Variants in NCOA2 observed in about 807,000 individuals in gnomAD.
NCOA2 encodes the protein nuclear receptor coactivator 2, also known as class E basic helix-loop-helix protein 75.
Under a neutral mutation model 145.1 loss-of-function variants are expected in NCOA2, and 21 were observed. The ratio of observed to expected loss-of-function variants is 0.14; its 90% CI spans 0.10 to 0.21. NCOA2 has a LOEUF of 0.21. Among genes scored for constraint, NCOA2 ranks in the 10% least tolerant of loss-of-function variants. NCOA2 has a pLI of 1.00. For missense variants in NCOA2, 1,472 were observed against 1,837.6 expected (o/e 0.80, Z 3.64); for synonymous variants, 619 against 637.5 (o/e 0.97, Z 0.44).
intron 22 of NCOA2, among the ~76,000 whole-genome samples, chr8:70,116,183 T>C (rs1442386347): frequency 3.9e-5 from 3 of 76,348 alleles, no homozygotes; most frequent in Non-Finnish European, 7.0e-5. Flanking sequence ...CGAGACTCTG[T>C]CTTAAAAAAA....
chr8:70,179,587 G>C (rs763549634), intron 4 of NCOA2, among the ~76,000 whole-genome samples: 6 of 152,164 alleles, frequency 3.9e-5, no homozygotes, highest in Non-Finnish European at 8.8e-5. Flanking sequence ...TTATACTTCT[G>C]TAAGTACAGC....
intron 2 of NCOA2, among the ~76,000 whole-genome samples, chr8:70,286,233 C>G (rs538286424): frequency 1.4e-3 from 213 of 152,042 alleles, no homozygotes; most frequent in Admixed American, 3.3e-3. Flanking sequence ...GGCAACATAA[C>G]GAGACTTGTC....
intron 2 of NCOA2, among the ~76,000 whole-genome samples, chr8:70,288,055 T>C (rs1352585739): frequency 6.6e-6 from 1 of 152,180 alleles, no homozygotes. Flanking sequence ...CTGGGCAAGT[T>C]ATTTAACTTC....
intron 4 of NCOA2, among the ~76,000 whole-genome samples, chr8:70,201,425 C>A (rs1817877714): frequency 6.6e-6 from 1 of 152,118 alleles, no homozygotes; most frequent in South Asian, 2.1e-4. Context: ...CATGACAACA[C>A]CTAAGCTGTA....
At chr8:70,120,471 A>G (rs1451054200) in intron 22 of NCOA2, among the ~76,000 whole-genome samples, 3 of 151,942 alleles carry the variant, frequency 2.0e-5, no homozygotes, top group Admixed American at 2.0e-4. Flanking sequence ...CTATAATCCC[A>G]GCACTTTGGG....
intron 2 of NCOA2, among the ~76,000 whole-genome samples, chr8:70,269,306 G>T (rs1336209590): frequency 6.6e-6 from 1 of 152,044 alleles, no homozygotes; most frequent in Non-Finnish European, 1.5e-5. Context: ...AAGCATACTT[G>T]CCATAAAAGA....
the NCOA2 span, among the ~76,000 whole-genome samples, chr8:70,428,365 C>A: frequency 2.0e-5 from 3 of 152,006 alleles, no homozygotes; most frequent in African/African-American, 4.8e-5. Flanking sequence ...GAGGCTGAGG[C>A]GGGAGGATCC....
chr8:70,147,112 G>C (rs1033160533), intron 12 of NCOA2, among the ~76,000 whole-genome samples: 1 of 96,368 alleles, frequency 1.0e-5, no homozygotes, highest in East Asian at 3.0e-4. Context: ...CAAATCTTTC[G>C]CGCGCGCGCG....
chr8:70,269,877 A>G lies in NCOA2; in HGVS notation c.-20+26867T>C, dbSNP rs116257485. The stretch of plus-strand genomic sequence containing the variant: ...ATCAGAGATTTTAAAAATACATATA[A>G]CACACATTTACTGAAACCTAATTAT... On this transcript the variant is annotated intron_variant, in intron 2 of 22. Coordinates refer to ENST00000452400, the MANE Select transcript of NCOA2 (RefSeq NM_006540.4). 5.9e-3 allele frequency among the ~76,000 whole-genome samples: 897 copies of G among 152,348 alleles called. 5 individuals carry two copies. The highest frequency in any genetic ancestry group is 0.02 in the African/African-American group (835 of 41,576).
Position 70,160,696 on chromosome 8 carries a change from A to AGAGAGAGAGAGAGG in NCOA2, c.977-1045_977-1044insCCTCTCTCTCTCTC, listed in dbSNP as rs1331894915. On this transcript the variant is annotated intron_variant, in intron 9 of 22. Coordinates refer to ENST00000452400, the MANE Select transcript of NCOA2 (RefSeq NM_006540.4). Reference sequence around the variant, plus strand: ...GAGAGAGAGAGGGAGAGAGAGAGAGAGAGAGACTGACATATAATGTGGATT... The same window carrying AGAGAGAGAGAGAGG: ...GAGAGAGAGAGGGAGAGAGAGAGAGAGAGAGAGAGAGAGGGAGAGACTGACATATAATGTGGATT... Among the ~76,000 whole-genome samples the AGAGAGAGAGAGAGG allele has an allele frequency of 1.6e-3, 225 of 138,390 alleles. 4 individuals carry two copies. Among genetic ancestry groups the AGAGAGAGAGAGAGG allele is most frequent in the African/African-American group, 5.6e-3 (213 of 38,332 alleles). 90.8% of individuals were successfully genotyped at this position (138,390 alleles called of 152,430 possible).
chr8:70,176,838 T>C (rs1207028801), intron 4 of NCOA2, among the ~76,000 whole-genome samples: 1 of 152,178 alleles, frequency 6.6e-6, no homozygotes, highest in African/African-American at 2.4e-5. Context: ...CCACACTCTG[T>C]GGGGTCTTCT....
intron 9 of NCOA2, among the ~76,000 whole-genome samples, chr8:70,162,449 A>G (rs1813134136): frequency 6.6e-6 from 1 of 152,224 alleles, no homozygotes; most frequent in African/African-American, 2.4e-5. Flanking sequence ...TCACATATCT[A>G]GAAGCCCCTG....
At chr8:70,369,570 T>G (rs1811026138) in intron 1 of NCOA2, among the ~76,000 whole-genome samples, 2 of 152,162 alleles carry the variant, frequency 1.3e-5, no homozygotes, top group African/African-American at 4.8e-5. Flanking sequence ...TGAGGCAGCT[T>G]TAAAGATAGA....
chr8:70,402,020 C>G (rs912313675), intron 1 of NCOA2: 4 of 152,368 alleles, frequency 2.6e-5, no homozygotes, highest in East Asian at 1.9e-4. Flanking sequence ...CCCCAGAAAT[C>G]AAGGAGCGGG....
At position 70,129,563 on chromosome 8, in the gene NCOA2, C is replaced by T. The variant is rs117199418; in HGVS notation, c.3325-583G>A. 2.2e-3 allele frequency among the ~76,000 whole-genome samples: 328 copies of T among 152,306 alleles called. 2 individuals carry two copies. In the East Asian group the frequency reaches 0.024, roughly 11 times the overall value. On this transcript the variant is annotated intron_variant, in intron 16 of 22. Coordinates refer to ENST00000452400, the MANE Select transcript of NCOA2 (RefSeq NM_006540.4). Reference sequence around the variant, plus strand: ...ATCTGAGCTCCTCACCAATGTGATGCGCTGCCTATTATCTACTGCTTTCTG... The same window carrying T: ...ATCTGAGCTCCTCACCAATGTGATGTGCTGCCTATTATCTACTGCTTTCTG...
At chr8:70,264,914 A>C (rs901703044) in intron 2 of NCOA2, among the ~76,000 whole-genome samples, 1 of 152,144 alleles carries the variant, frequency 6.6e-6, no homozygotes, top group Admixed American at 6.5e-5. Flanking sequence ...GAGCTTTAAA[A>C]CCTAAAAAAA....
At chr8:70,127,271 CAG>C (rs1020477625) in intron 18 of NCOA2, among the ~76,000 whole-genome samples, 9 of 152,142 alleles carry the variant, frequency 5.9e-5, no homozygotes, top group African/African-American at 2.2e-4. Flanking sequence ...TATGACTCAG[CAG>C]AGTTAAGTTT....
rs569887929 is a variant in NCOA2 at position 70,287,538 on chromosome 8, G to A, written c.-20+9206C>T. Among the ~76,000 whole-genome samples the A allele has an allele frequency of 5.3e-5, 8 of 152,196 alleles. No homozygotes were observed. In the South Asian group the frequency reaches 6.2e-4, roughly 12 times the overall value. ...CTTGTGAAGTCATTTTTAAAGAGAC[G>A]AATCAAAGGGAGTAGGGCTGGGCCC... On this transcript the variant is annotated intron_variant, in intron 2 of 22. Coordinates refer to ENST00000452400, the MANE Select transcript of NCOA2 (RefSeq NM_006540.4).
At chr8:70,326,680 C>T (rs1806616714) in intron 1 of NCOA2, among the ~76,000 whole-genome samples, 1 of 152,112 alleles carries the variant, frequency 6.6e-6, no homozygotes, top group African/African-American at 2.4e-5. Flanking sequence ...AGATTTCAAG[C>T]TCAAAAGCTA....
Sources: allele counts gnomAD v4.1 joint callset (sites outside exome capture counted in the v4.1 genomes callset), GRCh38; gene constraint gnomAD v4.1.1; transcripts MANE v1.5; gene names NCBI Gene and HGNC (gene_info 2026-07-23, HGNC 2026-07-21).